WDR36: variants seen among roughly 807,000 people sequenced by gnomAD.
WDR36 encodes WD repeat-containing protein 36.
A neutral mutation model predicts 112.7 loss-of-function variants in WDR36; 63 were observed. The observed-to-expected ratio is 0.56, with a 90% CI of 0.46 to 0.69. The LOEUF (loss-of-function observed/expected upper bound fraction) is 0.69. Among genes scored for constraint, WDR36 ranks in the 30% least tolerant of loss-of-function variants. WDR36 has a pLI of 0.00. For synonymous variants in WDR36, 410 were observed against 362.2 expected (o/e 1.13, Z -1.50); for missense variants, 1,226 against 1,070.3 (o/e 1.15, Z -2.03).
chr5:111,113,052 A>ATTT lies in WDR36; in HGVS notation c.1717-12_1717-10dup, dbSNP rs201180028. 1,211 of 473,510 alleles carry ATTT rather than the reference A, an allele frequency of 2.6e-3. 13 individuals are homozygous for ATTT. Among genetic ancestry groups the ATTT allele is most frequent in the African/African-American group, 0.016 (621 of 38,910 alleles). 29.3% of individuals were successfully genotyped at this position (473,510 alleles called of 1,614,324 possible). The stretch of plus-strand genomic sequence containing the variant: ...ATATAAATAATATATATATATATAT[A>ATTT]TTTTTTTTTTTTAATTTAAAGGCTT... On this transcript the variant is annotated intron_variant, in intron 15 of 22. Coordinates refer to ENST00000513710, the MANE Select transcript of WDR36 (RefSeq NM_139281.3).
chr5:111,114,397 G>A (rs201586609), intron 16 of WDR36, among the ~76,000 whole-genome samples: 1 of 152,126 alleles, frequency 6.6e-6, no homozygotes, highest in Non-Finnish European at 1.5e-5. Flanking sequence ...CTCAGGAATT[G>A]GATAAGCTCA....
chr5:111,109,444 T>A (rs1178162886), intron 12 of WDR36, among the ~76,000 whole-genome samples: 1 of 151,322 alleles, frequency 6.6e-6, no homozygotes, highest in Non-Finnish European at 1.5e-5. Context: ...TTGCTTTGCT[T>A]AGTTAAATAA....
rs767260906 is a variant in WDR36 at position 111,096,469 on chromosome 5, C to T, written c.191-610C>T. ...CTGTAATCCCAGCACTTTGGAAGGCCGAGGTGGGCAGATCACCTGAGGTCA... is the reference window on the plus strand; with the variant it reads ...CTGTAATCCCAGCACTTTGGAAGGCTGAGGTGGGCAGATCACCTGAGGTCA... On this transcript the variant is annotated intron_variant, in intron 2 of 22. Coordinates refer to ENST00000513710, the MANE Select transcript of WDR36 (RefSeq NM_139281.3). Among the ~76,000 whole-genome samples the T allele has an allele frequency of 5.3e-4, 80 of 152,056 alleles. 1 individual carries two copies. The highest frequency in any genetic ancestry group is 2.5e-4 in the Non-Finnish European group (17 of 67,990).
chr5:111,125,431 G>C (rs1253392082), intron 21 of WDR36, among the ~76,000 whole-genome samples, 177 bp from the exon 22 acceptor site: 1 of 152,094 alleles, frequency 6.6e-6, no homozygotes, highest in African/African-American at 2.4e-5. Context: ...GTCATCGTTT[G>C]TACTGATTTT....
intron 1 of WDR36, among the ~76,000 whole-genome samples, chr5:111,093,596 A>G (rs1481384167): frequency 6.6e-6 from 1 of 152,196 alleles, no homozygotes; most frequent in Non-Finnish European, 1.5e-5. Flanking sequence ...GAAAGTATTT[A>G]GTGTTACCAT....
rs150108958 is a variant in WDR36, at chr5:111,107,434, G to A, written c.1321G>A (p.Ala441Thr). 2 of 1,609,474 alleles carry A rather than the reference G, an allele frequency of 1.2e-6. No individual in the cohort carries two copies. Among genetic ancestry groups the A allele is most frequent in the African/African-American group, 1.3e-5 (1 of 74,746 alleles). ...PKELKKDDITATAVDITSCGN... is the reference protein window; with the variant it reads ...PKELKKDDITTTAVDITSCGN... ...AGAGTTGAAGAAAGATGACATAACT[G>A]CAACAGTAAGTGAGCTTGTTTATAA... The change falls in exon 12 of 23, where the codon GCA (alanine) becomes ACA (threonine). Residue 441 changes from alanine (A) to threonine (T), a missense_variant. Ala to Thr is a moderately conservative substitution (Grantham distance 58, BLOSUM62 0). Transcript: ENST00000513710.
At chr5:111,094,385 T>A (rs931928802) in intron 1 of WDR36, among the ~76,000 whole-genome samples, 1 of 152,220 alleles carries the variant, frequency 6.6e-6, no homozygotes. Context: ...TAGCCATGAT[T>A]GGGGTCAGCA....
In WDR36 at chr5:111,105,619, C is replaced by T. The variant is rs980978336; in HGVS notation, c.1093+259C>T. Among the ~76,000 whole-genome samples the T allele has an allele frequency of 1.3e-5, 2 of 151,478 alleles. 1 individual carries two copies. The highest frequency in any genetic ancestry group is 1.3e-4 in the Admixed American group (2 of 15,142). On this transcript the variant is annotated intron_variant, in intron 10 of 22. Coordinates refer to ENST00000513710, the MANE Select transcript of WDR36 (RefSeq NM_139281.3). ...CTGCCACCCAAAAGATGTTCATGGC[C>T]TCACTTGAGCTATCTGTAGAGTGCA...
rs1309625081 is a variant in WDR36 at position 111,100,624 on chromosome 5, T to G, written c.445T>G (p.Phe149Val). The change falls in exon 5 of 23, where the codon TTT (phenylalanine) becomes GTT (valine). Residue 149 changes from phenylalanine (F) to valine (V), a missense_variant. By Grantham distance (50) the Phe-to-Val change is conservative. Coordinates refer to ENST00000513710, the MANE Select transcript of WDR36 (RefSeq NM_139281.3). ...YLQLTFDKSV[F>V]KISAILHPST... ...GCAGTTGACTTTTGATAAATCAGTA[T>G]TTAAAATTTCTGCAATTTTGCATCC... The G allele has an allele frequency of 6.3e-7, 1 of 1,599,142 alleles. No individual in the cohort carries two copies. Among genetic ancestry groups the G allele is most frequent in the Non-Finnish European group, 8.5e-7 (1 of 1,170,564 alleles).
chr5:111,118,724 GAGAAAAAC>G (rs898953435), intron 16 of WDR36, among the ~76,000 whole-genome samples: 1 of 151,780 alleles, frequency 6.6e-6, no homozygotes, highest in Non-Finnish European at 1.5e-5. Flanking sequence ...TTTAGTATTC[GAGAAAAAC>G]AGAAAATTTC....
Position 111,092,596 on chromosome 5 carries a change from G to T in WDR36, c.140G>T (p.Gly47Val). 1 of 1,613,616 alleles carries T rather than the reference G, an allele frequency of 6.2e-7. No individual in the cohort carries two copies. Among genetic ancestry groups the T allele is most frequent in the Non-Finnish European group, 8.5e-7 (1 of 1,179,890 alleles). Residue 47 changes from glycine to valine, a missense_variant, in exon 1 of 23, where the codon GGC (glycine) becomes GTC (valine). Transcript: ENST00000513710. ...KRRFYVTTCVGKSFHTYDVQK... is the reference protein window; with the variant it reads ...KRRFYVTTCVVKSFHTYDVQK... ...CGGTTCTATGTAACAACCTGCGTGG[G>T]CAAGAGTTTCCACACCTATGACGTG...
chr5:111,121,687 C>G (rs866763905), intron 19 of WDR36, among the ~76,000 whole-genome samples: 1 of 152,070 alleles, frequency 6.6e-6, no homozygotes, highest in Admixed American at 6.6e-5. Flanking sequence ...GAAAAAACAG[C>G]CCCTTTGTCC....
intron 6 of WDR36, 73 bp from the exon 7 acceptor site, chr5:111,103,713 A>T (rs1040909953): frequency 5.1e-6 from 8 of 1,569,718 alleles, no homozygotes; most frequent in Non-Finnish European, 7.0e-6. Context: ...ACACCTAATA[A>T]TGATGCGTAT....
rs1204155675 is a variant in WDR36 at position 111,128,441 on chromosome 5, T to C, written c.*1558T>C. The C allele has an allele frequency of 5.5e-6, 1 of 181,532 alleles. No homozygotes were observed. The highest frequency in any genetic ancestry group is 1.2e-5 in the Non-Finnish European group (1 of 84,982). The allele number at this position is 181,532 out of a possible 1,614,324, so 11.2% of individuals were successfully genotyped here. A position where few individuals can be genotyped will look rare whatever the true frequency, so the allele number is the denominator to read the frequency against. ...GACTTATTAAAGCCACTGACAGAAA[T>C]GTTAATCATGACTTAAGTTCTAATT... On this transcript the variant is annotated 3_prime_UTR_variant, in exon 23 of 23. Coordinates refer to ENST00000513710, the MANE Select transcript of WDR36 (RefSeq NM_139281.3).
chr5:111,128,337 TA>T lies in WDR36; in HGVS notation c.*1455del. 5.4e-6 allele frequency: 1 copy of T among 184,762 alleles called. No individual in the cohort carries two copies. The highest frequency in any genetic ancestry group is 1.2e-5 in the Non-Finnish European group (1 of 86,928). 11.4% of individuals were successfully genotyped at this position (184,762 alleles called of 1,614,324 possible). On this transcript the variant is annotated 3_prime_UTR_variant, in exon 23 of 23. Coordinates refer to ENST00000513710, the MANE Select transcript of WDR36 (RefSeq NM_139281.3). ...CATGTTTTTATTTAATGATGTAAGA[TA>T]GAATTAATAAACTACTAAGGAAATA...
intron 12 of WDR36, among the ~76,000 whole-genome samples, chr5:111,107,700 TG>T (rs978097506): frequency 6.1e-4 from 92 of 151,478 alleles, no homozygotes; most frequent in African/African-American, 2.2e-3. Flanking sequence ...TTTTTTTACA[TG>T]TGGATATCCA....
At chr5:111,115,036 G>A (rs1753427948) in intron 16 of WDR36, among the ~76,000 whole-genome samples, 1 of 152,110 alleles carries the variant, frequency 6.6e-6, no homozygotes, top group Non-Finnish European at 1.5e-5. Flanking sequence ...TCAGTAAGAA[G>A]TTGAACAGAT....
intron 2 of WDR36, among the ~76,000 whole-genome samples, chr5:111,096,591 C>A (rs541573608): frequency 6.6e-6 from 1 of 152,016 alleles, no homozygotes; most frequent in African/African-American, 2.4e-5. Context: ...ATAATCCCAG[C>A]TACTTGGGAG....
At position 111,105,834 on chromosome 5, in the gene WDR36, G is replaced by A. The variant is rs2034896; in HGVS notation, c.1094-223G>A. Among the ~76,000 whole-genome samples, 79,904 of 151,236 alleles carry A rather than the reference G, an allele frequency of 0.53. 21,754 individuals carry two copies. The highest frequency in any genetic ancestry group is 0.69 in the South Asian group (3,303 of 4,814). ...AATTTTTAAGTTACTATCTTATACTGTTCATGCATGTATATAAATTTTAAG... is the reference window on the plus strand; with the variant it reads ...AATTTTTAAGTTACTATCTTATACTATTCATGCATGTATATAAATTTTAAG... On this transcript the variant is annotated intron_variant, in intron 10 of 22. Coordinates refer to ENST00000513710, the MANE Select transcript of WDR36 (RefSeq NM_139281.3).
Sources: allele counts gnomAD v4.1 joint callset (sites outside exome capture counted in the v4.1 genomes callset), GRCh38; gene constraint gnomAD v4.1.1; transcripts MANE v1.5; gene names NCBI Gene and HGNC (gene_info 2026-07-23, HGNC 2026-07-21).